IL1RAPL2: variants seen among roughly 807,000 people sequenced by gnomAD.
IL1RAPL2 encodes the protein interleukin 1 receptor accessory protein like 2.
In IL1RAPL2, 3 loss-of-function variants were observed where a neutral mutation model predicts 44.1. The observed-to-expected ratio is 0.07, with a 90% CI of 0.03 to 0.18. The LOEUF (loss-of-function observed/expected upper bound fraction) is 0.18, where lower values mean the gene tolerates loss of function less well. Ranked by LOEUF, IL1RAPL2 falls within the 10% of genes least tolerant of loss-of-function variation. The pLI is 1.00. For missense variants in IL1RAPL2, 391 were observed against 496.4 expected, an observed-to-expected ratio of 0.79 and a Z score of 2.02; for synonymous variants, 181 against 178.8, an observed-to-expected ratio of 1.01 and a Z score of -0.10.
intron 5 of IL1RAPL2, among the ~76,000 whole-genome samples, chrX:105,465,515 G>GGGCC (rs1413444933): frequency 5.4e-5 from 6 of 111,582 alleles, no homozygotes; most frequent in Non-Finnish European, 1.1e-4. Context: ...AGACAGACTT[G>GGGCC]CTTTTACCTT....
intron 5 of IL1RAPL2, among the ~76,000 whole-genome samples, chrX:105,354,836 T>G (rs1265715703): frequency 9.0e-6 from 1 of 111,209 alleles, no homozygotes; most frequent in Non-Finnish European, 1.9e-5. Context: ...ATGTGGATGC[T>G]ACTTATCAGC....
At chrX:105,050,123 T>A (rs73520228) in intron 2 of IL1RAPL2, among the ~76,000 whole-genome samples, 7,380 of 111,811 alleles carry the variant, frequency 0.066, 658 homozygotes, top group African/African-American at 0.23. Context: ...ATACTTGCAC[T>A]GTGTGTCCAA....
At chrX:104,660,390 G>A (rs1159063011) in intron 2 of IL1RAPL2, among the ~76,000 whole-genome samples, 1 of 108,329 alleles carries the variant, frequency 9.2e-6, no homozygotes, top group Non-Finnish European at 1.9e-5. Context: ...GATCCGAAAG[G>A]AAAAAAAGAA....
At chrX:105,665,389 A>G (rs1389753985) in intron 6 of IL1RAPL2, among the ~76,000 whole-genome samples, 12 of 108,801 alleles carry the variant, frequency 1.1e-4, no homozygotes, top group Non-Finnish European at 2.3e-4. Context: ...AATTTAAGCC[A>G]CCTTAACAAA....
chrX:104,892,126 T>G (rs1923469567), intron 2 of IL1RAPL2, among the ~76,000 whole-genome samples: 1 of 111,777 alleles, frequency 8.9e-6, no homozygotes, highest in African/African-American at 3.3e-5. Flanking sequence ...GAACCAGCCT[T>G]GCATCCCAGG....
intron 5 of IL1RAPL2, among the ~76,000 whole-genome samples, chrX:105,424,541 C>A (rs992504421): frequency 4.6e-5 from 5 of 109,048 alleles, no homozygotes; most frequent in African/African-American, 1.7e-4. Flanking sequence ...TCGCAGTACT[C>A]AAATGGAGCA....
intron 1 of IL1RAPL2, among the ~76,000 whole-genome samples, chrX:104,607,582 A>G (rs1929043685): frequency 1.8e-5 from 2 of 112,265 alleles, no homozygotes; most frequent in South Asian, 7.5e-4. Flanking sequence ...GAATATGAAC[A>G]TACACTTCTC....
intron 1 of IL1RAPL2, among the ~76,000 whole-genome samples, chrX:104,593,686 C>T (rs1310872221): frequency 8.9e-6 from 1 of 112,051 alleles, no homozygotes; most frequent in Admixed American, 9.5e-5. Flanking sequence ...TCCTACCACA[C>T]CCATTTTTGT....
chrX:105,064,504 C>T (rs1164937846), intron 2 of IL1RAPL2, among the ~76,000 whole-genome samples: 2 of 111,967 alleles, frequency 1.8e-5, no homozygotes, highest in African/African-American at 6.5e-5. Flanking sequence ...TTGCTGTAGG[C>T]TTCTTTTCAG....
chrX:105,318,906 C>A (rs1280916957), intron 5 of IL1RAPL2, among the ~76,000 whole-genome samples: 1 of 112,255 alleles, frequency 8.9e-6, no homozygotes, highest in Non-Finnish European at 1.9e-5. Context: ...ATAGCTATCG[C>A]CTTCAATGCA....
chrX:105,062,214 G>A (rs1686639910), intron 2 of IL1RAPL2, among the ~76,000 whole-genome samples: 1 of 110,659 alleles, frequency 9.0e-6, no homozygotes, highest in South Asian at 3.7e-4. Context: ...TTTTATTTGA[G>A]GCTACCATAA....
At chrX:104,693,661 A>G (rs1478154430) in intron 2 of IL1RAPL2, among the ~76,000 whole-genome samples, 2 of 111,891 alleles carry the variant, frequency 1.8e-5, no homozygotes, top group Non-Finnish European at 3.8e-5. Context: ...CAGAGAATTC[A>G]CTTTGGTTAT....
intron 6 of IL1RAPL2, among the ~76,000 whole-genome samples, chrX:105,629,852 G>A (rs1042836992): frequency 3.6e-5 from 4 of 111,537 alleles, no homozygotes; most frequent in African/African-American, 1.3e-4. Context: ...TGTGTGTGCT[G>A]ATGTTTGAAA....
chrX:105,050,176 T>C (rs944261401), intron 2 of IL1RAPL2, among the ~76,000 whole-genome samples: 68 of 112,197 alleles, frequency 6.1e-4, no homozygotes, highest in Non-Finnish European at 5.8e-4. Context: ...AAAGGTTAAC[T>C]AGCATCAAGT....
At chrX:104,907,463 C>T (rs1328381456) in intron 2 of IL1RAPL2, among the ~76,000 whole-genome samples, 1 of 111,095 alleles carries the variant, frequency 9.0e-6, no homozygotes, top group Non-Finnish European at 1.9e-5. Flanking sequence ...TCCCTCTACA[C>T]ACTGCCTTGA....
At chrX:105,009,105 G>T (rs1367235893) in intron 2 of IL1RAPL2, among the ~76,000 whole-genome samples, 1 of 111,714 alleles carries the variant, frequency 9.0e-6, no homozygotes, top group Non-Finnish European at 1.9e-5. Flanking sequence ...AACAACAGGT[G>T]CTGGAGAGGA....
chrX:104,610,457 C>CA (rs578017702), intron 1 of IL1RAPL2, among the ~76,000 whole-genome samples: 2 of 111,794 alleles, frequency 1.8e-5, no homozygotes, highest in African/African-American at 6.5e-5. Flanking sequence ...AATCAATGTG[C>CA]AAAAATCACA....
intron 2 of IL1RAPL2, among the ~76,000 whole-genome samples, chrX:104,659,867 C>T (rs1363747926): frequency 1.8e-5 from 2 of 111,603 alleles, no homozygotes; most frequent in Non-Finnish European, 3.8e-5. Context: ...CTTTTCAAAG[C>T]AAAAAATGCG....
rs753472282 is a variant in IL1RAPL2, at chrX:104,978,498, T to A, written c.83-216977T>A. 2.9e-3 allele frequency among the ~76,000 whole-genome samples: 329 copies of A among 112,386 alleles called. 1 individual carries two copies. The highest frequency in any genetic ancestry group is 5.0e-3 in the Non-Finnish European group (268 of 53,249). On this transcript the variant is annotated intron_variant, in intron 2 of 10. Transcript: ENST00000372582. ...GAACCTCTGTTTAATTATGAAACTC[T>A]AAGAATATTCTCATTGATGTTGGAA... is the stretch of plus-strand genomic sequence containing the variant.
Sources: allele counts gnomAD v4.1 joint callset (sites outside exome capture counted in the v4.1 genomes callset), GRCh38; gene constraint gnomAD v4.1.1; transcripts MANE v1.5; gene names NCBI Gene and HGNC (gene_info 2026-07-23, HGNC 2026-07-21).